KCNAB1: variants seen among roughly 807,000 people sequenced by gnomAD.
KCNAB1 encodes voltage-gated potassium channel subunit beta-1.
A neutral mutation model predicts 64.6 loss-of-function variants in KCNAB1; 35 were observed. That is an observed-to-expected ratio of 0.54 (90% CI 0.41 to 0.72). The LOEUF (loss-of-function observed/expected upper bound fraction) is 0.72, where lower values mean the gene tolerates loss of function less well. KCNAB1 is among the 30% of genes least tolerant of loss of function. The pLI, the probability that KCNAB1 is intolerant of heterozygous loss-of-function variation, is 0.00. For missense variants in KCNAB1, 401 were observed against 512.9 expected, an observed-to-expected ratio of 0.78 and a Z score of 2.11; for synonymous variants, 177 against 183.8, an observed-to-expected ratio of 0.96 and a Z score of 0.30.
intron 1 of KCNAB1, among the ~76,000 whole-genome samples, chr3:156,249,997 T>C (rs1717729321): frequency 6.6e-6 from 1 of 152,176 alleles, no homozygotes; most frequent in Non-Finnish European, 1.5e-5. Flanking sequence ...GGGAAACTGA[T>C]TGGAGTGATT....
At chr3:156,355,170 A>AT (rs1725148161) in intron 1 of KCNAB1, among the ~76,000 whole-genome samples, 1 of 152,324 alleles carries the variant, frequency 6.6e-6, no homozygotes. Flanking sequence ...TTTGTTTAAG[A>AT]TTTTTTAAAG....
At chr3:156,160,405 T>C (rs1312823512) in intron 1 of KCNAB1, among the ~76,000 whole-genome samples, 1 of 152,170 alleles carries the variant, frequency 6.6e-6, no homozygotes, top group Non-Finnish European at 1.5e-5. Flanking sequence ...TAGTAGGAGC[T>C]CAGGAGCAGG....
intron 1 of KCNAB1, among the ~76,000 whole-genome samples, chr3:156,143,663 C>T (rs1488674653): frequency 1.4e-5 from 2 of 147,358 alleles, no homozygotes; most frequent in South Asian, 4.6e-4. Context: ...TGTGGAAACT[C>T]CTAACCATGT....
chr3:156,188,352 T>G (rs1713337170), intron 1 of KCNAB1, among the ~76,000 whole-genome samples: 1 of 152,116 alleles, frequency 6.6e-6, no homozygotes, highest in African/African-American at 2.4e-5. Context: ...TTTGGTATAT[T>G]TACCATAAAT....
chr3:156,128,583 T>C (rs1054141533), intron 1 of KCNAB1, among the ~76,000 whole-genome samples: 2 of 152,202 alleles, frequency 1.3e-5, no homozygotes, highest in African/African-American at 4.8e-5. Flanking sequence ...TCACATGACA[T>C]AGAGCAGGTG....
intron 8 of KCNAB1, among the ~76,000 whole-genome samples, chr3:156,492,004 G>A (rs1715666905): frequency 6.6e-6 from 1 of 152,050 alleles, no homozygotes; most frequent in Non-Finnish European, 1.5e-5. Context: ...ACACAGACAA[G>A]AATGTAAGTC....
intron 1 of KCNAB1, among the ~76,000 whole-genome samples, chr3:156,285,613 A>G (rs1720057245): frequency 6.6e-6 from 1 of 152,082 alleles, no homozygotes; most frequent in Admixed American, 6.5e-5. Context: ...TGATCCTCCC[A>G]CCTCAGCCTC....
At chr3:156,240,914 A>G (rs1313779085) in intron 1 of KCNAB1, among the ~76,000 whole-genome samples, 1 of 151,426 alleles carries the variant, frequency 6.6e-6, no homozygotes, top group East Asian at 2.0e-4. Flanking sequence ...AGTAACCACT[A>G]TGGGTAATTG....
chr3:156,361,810 C>T (rs1234336504), intron 1 of KCNAB1, among the ~76,000 whole-genome samples: 2 of 152,054 alleles, frequency 1.3e-5, no homozygotes, highest in African/African-American at 4.8e-5. Context: ...AGGCTCATGC[C>T]ACCACACCCA....
At chr3:156,516,217 C>T (rs1397866530) in intron 10 of KCNAB1, 53 bp from the exon 11 acceptor site, 1 of 1,325,562 alleles carries the variant, frequency 7.5e-7, no homozygotes, top group Non-Finnish European at 1.1e-6. Context: ...CACCGCCACC[C>T]ACCTTTTGAT....
At position 156,190,847 on chromosome 3, in the gene KCNAB1, C is replaced by T. The variant is rs192450254; in HGVS notation, c.275+69961C>T. On this transcript the variant is annotated intron_variant, in intron 1 of 13. Transcript: ENST00000490337. Reference sequence around the variant, plus strand: ...TAGCTGGGATTACAGGTGCTACCACCGCGCCTGGCTAATTTTTATATTTTT... The same window carrying T: ...TAGCTGGGATTACAGGTGCTACCACTGCGCCTGGCTAATTTTTATATTTTT... Among the ~76,000 whole-genome samples the T allele has an allele frequency of 2.3e-3, 348 of 152,226 alleles. 3 individuals are homozygous for T. The highest frequency in any genetic ancestry group is 2.4e-3 in the Non-Finnish European group (166 of 68,010).
At chr3:156,384,927 A>C (rs115025965) in intron 1 of KCNAB1, among the ~76,000 whole-genome samples, 1,757 of 152,184 alleles carry the variant, frequency 0.012, 36 homozygotes, top group African/African-American at 0.039. Flanking sequence ...AATGAATATC[A>C]TTTTTTCTAC....
chr3:156,538,850 C>G (rs1719260119), downstream of KCNAB1: 1 of 152,158 alleles, frequency 6.6e-6, no homozygotes, highest in South Asian at 2.1e-4. Flanking sequence ...ACTGAAGATA[C>G]CATTTCTCAC....
chr3:156,412,807 C>T (rs903729364), intron 1 of KCNAB1, among the ~76,000 whole-genome samples: 2 of 152,186 alleles, frequency 1.3e-5, no homozygotes, highest in Non-Finnish European at 2.9e-5. Flanking sequence ...CTGAAGGAAG[C>T]TGGCTCTTCT....
chr3:156,443,739 TACACACACACACACAC>T (rs71141708), intron 2 of KCNAB1, among the ~76,000 whole-genome samples: 27 of 141,842 alleles, frequency 1.9e-4, no homozygotes, highest in Admixed American at 6.4e-4. Flanking sequence ...ATTTAGTCCT[TACACACACACACACAC>T]ACACACACAC....
At position 156,516,326 on chromosome 3, in the gene KCNAB1, G is replaced by A. The variant is rs370046885; in HGVS notation, c.922G>A (p.Gly308Arg). The A allele has an allele frequency of 5.6e-5, 90 of 1,613,816 alleles. No homozygotes were observed. The highest frequency in any genetic ancestry group is 1.6e-4 in the Middle Eastern group (1 of 6,082). Reference protein sequence around the residue: ...LACGIISGKYGNGVPESSRAS... With the variant: ...LACGIISGKYRNGVPESSRAS... ...CTGTGGAATCATCTCAGGAAAATAC[G>A]GAAACGGGGTGCCTGAAAGTTCCAG... is the stretch of plus-strand genomic sequence containing the variant. The change falls in exon 11 of 14, where the codon GGA (glycine) becomes AGA (arginine). Residue 308 changes from glycine (G) to arginine (R), a missense_variant. Transcript: ENST00000490337.
chr3:156,272,555 A>G (rs556078252), intron 1 of KCNAB1, among the ~76,000 whole-genome samples: 1 of 151,964 alleles, frequency 6.6e-6, no homozygotes, highest in South Asian at 2.1e-4. Context: ...GGGGCTTTTC[A>G]GTCTGCTTGT....
At chr3:156,451,903 T>C (rs1576884499) in intron 2 of KCNAB1, among the ~76,000 whole-genome samples, 1 of 152,284 alleles carries the variant, frequency 6.6e-6, no homozygotes, top group East Asian at 1.9e-4. Flanking sequence ...GAAGTCTTCC[T>C]AGAATGCCAC....
chr3:156,392,209 C>G (rs1713092655), intron 1 of KCNAB1, among the ~76,000 whole-genome samples: 1 of 152,198 alleles, frequency 6.6e-6, no homozygotes, highest in Non-Finnish European at 1.5e-5. Flanking sequence ...TTGTCAGTCT[C>G]TCTACCCAGT....
Sources: allele counts gnomAD v4.1 joint callset (sites outside exome capture counted in the v4.1 genomes callset), GRCh38; gene constraint gnomAD v4.1.1; transcripts MANE v1.5; gene names NCBI Gene and HGNC (gene_info 2026-07-23, HGNC 2026-07-21).